The following MTERF4 variants were observed in gnomAD, a reference collection of about 807,000 sequenced individuals.
The protein encoded by MTERF4 is mitochondrial transcription termination factor 4, also known as transcription termination factor 4, mitochondrial.
In MTERF4, 17 loss-of-function variants were observed where a neutral mutation model predicts 22.5. That is an observed-to-expected ratio of 0.75 (90% CI 0.52 to 1.13). The LOEUF (loss-of-function observed/expected upper bound fraction) is 1.13. Among genes scored for constraint, MTERF4 ranks in the 50% most tolerant of loss-of-function variants. The probability of loss-of-function intolerance (pLI) is 0.00; values close to 1 mark genes in which losing one functional copy is unlikely to be tolerated. For synonymous variants in MTERF4, 165 were observed against 175.3 expected (o/e 0.94, Z 0.47); for missense variants, 420 against 466.8 (o/e 0.90, Z 0.92).
At chr2:241,050,044 G>C in the MTERF4 span, 3 of 793,390 alleles carry the variant, frequency 3.8e-6, no homozygotes, top group Middle Eastern at 2.2e-4. Flanking sequence ...TGCTGACCTC[G>C]TCTAGAGCCT....
the MTERF4 span, among the ~76,000 whole-genome samples, chr2:241,056,640 G>C: frequency 6.8e-6 from 1 of 146,204 alleles, no homozygotes; most frequent in Non-Finnish European, 1.5e-5. Context: ...GAGTGCAGTG[G>C]CACGATCTCG....
downstream of MTERF4, chr2:241,087,395 TAA>T (rs756678043): frequency 6.3e-7 from 1 of 1,596,794 alleles, no homozygotes; most frequent in South Asian, 1.1e-5. Flanking sequence ...ACAACAGGTA[TAA>T]AAGAGTCTAC....
the MTERF4 span, chr2:241,051,761 A>C: frequency 1.3e-6 from 2 of 1,530,448 alleles, no homozygotes; most frequent in Non-Finnish European, 1.8e-6. The surrounding 1 kb of genome is among the most constrained non-coding windows in gnomAD (Gnocchi z 4.7). Context: ...ACACCTGTGC[A>C]GCTCAGGGCC....
the MTERF4 span, chr2:241,063,680 T>C: frequency 3.7e-6 from 6 of 1,610,410 alleles, no homozygotes; most frequent in Non-Finnish European, 5.1e-6. Flanking sequence ...GCAGGCTTCG[T>C]TGGAGTCCAC....
At chr2:241,046,112 G>A in the MTERF4 span, among the ~76,000 whole-genome samples, 8 of 152,268 alleles carry the variant, frequency 5.3e-5, no homozygotes, top group East Asian at 1.3e-3. Flanking sequence ...AAGCCACTAC[G>A]AGGAATCACA....
At chr2:241,072,233 C>CAGG in exon 5 of MTERF4, 1 of 500,554 alleles carries the variant, frequency 2.0e-6, no homozygotes, top group Non-Finnish European at 3.9e-6. Flanking sequence ...AAACCATGGG[C>CAGG]AGGAGGCCAT....
At chr2:241,050,344 C>T in the MTERF4 span, among the ~76,000 whole-genome samples, 1 of 152,184 alleles carries the variant, frequency 6.6e-6, no homozygotes, top group African/African-American at 2.4e-5. Context: ...ACACTGCAGG[C>T]GTAGCTATCC....
chr2:241,052,736 GCA>G, the MTERF4 span, among the ~76,000 whole-genome samples: 2 of 86,174 alleles, frequency 2.3e-5, no homozygotes, highest in African/African-American at 4.6e-5. Flanking sequence ...CCAGTGCCAG[GCA>G]GGTGAGAGGG....
chr2:241,052,654 C>T, the MTERF4 span, among the ~76,000 whole-genome samples: 93 of 86,228 alleles, frequency 1.1e-3, 6 homozygotes, highest in South Asian at 6.8e-3. Flanking sequence ...AAGCAGGGTA[C>T]ATGGGACACC....
At chr2:241,063,767 G>A in the MTERF4 span, 1 of 1,202,292 alleles carries the variant, frequency 8.3e-7, no homozygotes, top group Non-Finnish European at 1.2e-6. Flanking sequence ...AGAGGAGGTG[G>A]GGCATCCCCA....
At chr2:241,102,136 G>C in intron 1 of MTERF4, 117 bp downstream of exon 1, 1 of 1,408,492 alleles carries the variant, frequency 7.1e-7, no homozygotes, top group Non-Finnish European at 9.8e-7. Flanking sequence ...CAGCGTGCAC[G>C]GACCTCCGGG....
chr2:241,071,894 TC>T, downstream of MTERF4: 1 of 1,584,664 alleles, frequency 6.3e-7, no homozygotes, highest in Non-Finnish European at 8.6e-7. Flanking sequence ...TGCCAGGGCC[TC>T]CCCACCCACC....
chr2:241,088,394 AATC>A, downstream of MTERF4: 1 of 1,612,290 alleles, frequency 6.2e-7, no homozygotes, highest in Non-Finnish European at 8.5e-7. Context: ...ACACTGGAGA[AATC>A]TTAAGGTACG....
At chr2:241,047,221 G>A in the MTERF4 span, among the ~76,000 whole-genome samples, 4 of 149,382 alleles carry the variant, frequency 2.7e-5, no homozygotes, top group Non-Finnish European at 5.9e-5. Context: ...TATTAATATC[G>A]AATAAATTAA....
downstream of MTERF4, chr2:241,082,216 CAA>C (rs2063361842): frequency 7.1e-7 from 1 of 1,408,114 alleles, no homozygotes; most frequent in Non-Finnish European, 1.0e-6. Flanking sequence ...CAAGGCCTCT[CAA>C]GAGGGGCAGG....
At chr2:241,072,136 G>C, downstream of MTERF4, 2 of 691,436 alleles carry the variant, frequency 2.9e-6, no homozygotes, top group Non-Finnish European at 5.3e-6. Context: ...GGTAGGGCAC[G>C]CAAGAGAAGA....
chr2:241,076,942 G>A (rs1216686689), intron 4 of MTERF4, among the ~76,000 whole-genome samples: 1 of 152,182 alleles, frequency 6.6e-6, no homozygotes, highest in Non-Finnish European at 1.5e-5. Context: ...AGCTGGGCAT[G>A]GTGGCGGGCG....
chr2:241,052,594 G>A, the MTERF4 span: 1 of 750,886 alleles, frequency 1.3e-6, no homozygotes, highest in Non-Finnish European at 2.3e-6. Flanking sequence ...AGGGGGCCAA[G>A]CAGGATATAT....
chr2:241,049,766 C>G, the MTERF4 span: 22 of 1,449,186 alleles, frequency 1.5e-5, no homozygotes, highest in Non-Finnish European at 2.0e-5. Context: ...TCTTGCCGCC[C>G]GCACAGATGC....
Sources: gnomAD v4.1 joint callset for allele counts (sites outside exome capture counted in the v4.1 genomes callset) on GRCh38, gnomAD v4.1.1 for gene constraint, Gnocchi (gnomAD v3.1) non-coding constraint, MANE v1.5 for transcripts, NCBI Gene and HGNC (gene_info 2026-07-23, HGNC 2026-07-21) for gene names.